Variants in ACOT4 observed in about 807,000 individuals in gnomAD.
ACOT4 encodes the protein peroxisomal succinyl-coenzyme A thioesterase.
In ACOT4, 18 loss-of-function variants were observed where a neutral mutation model predicts 17.1. The observed-to-expected ratio is 1.05, with a 90% CI of 0.73 to 1.56. The LOEUF is 1.56. Among genes scored for constraint, ACOT4 ranks in the 40% most tolerant of loss-of-function variants. The pLI, the probability that ACOT4 is intolerant of heterozygous loss-of-function variation, is 0.00. For synonymous variants in ACOT4, 234 were observed against 236.6 expected, an observed-to-expected ratio of 0.99 and a Z score of 0.10; for missense variants, 574 against 557.2, an observed-to-expected ratio of 1.03 and a Z score of -0.30.
Position 73,595,277 on chromosome 14 carries a change from A to T in ACOT4, c.889A>T (p.Asn297Tyr), listed in dbSNP as rs1270933636. 2 of 1,614,078 alleles carry T rather than the reference A, an allele frequency of 1.2e-6. No individual in the cohort carries two copies. The highest frequency in any genetic ancestry group is 1.7e-6 in the Non-Finnish European group (2 of 1,180,050). The change falls in exon 3 of 3, where the codon AAT becomes TAT. Residue 297 changes from asparagine (N) to tyrosine (Y), a missense_variant. Coordinates refer to ENST00000326303, the MANE Select transcript of ACOT4 (RefSeq NM_152331.4). The stretch of plus-strand genomic sequence containing the variant: ...CCTCGTGGACATTGTGGATATAAGG[A>T]ATGCTCTCGTAGGAGGGTACAAGAA... ...SGLVDIVDIR[N>Y]ALVGGYKNPS... is the part of the protein sequence containing the mutation.
At chr14:73,592,840 G>C (rs1450586381) in intron 1 of ACOT4, among the ~76,000 whole-genome samples, 1 of 152,124 alleles carries the variant, frequency 6.6e-6, no homozygotes. Context: ...GTGACAGAGC[G>C]AGACTCCGTC....
Position 73,594,442 on chromosome 14 carries a change from GCGGC to G in ACOT4, c.660+539_660+542del, listed in dbSNP as rs1890212283. ...TGAACTTGATGGGATCTGTGGCTCA[GCGGC>G]TCAGCGGCTCAGCATTCTCTAGTGG... is the stretch of plus-strand genomic sequence containing the variant. On this transcript the variant is annotated intron_variant, in intron 2 of 2. Transcript: ENST00000326303. 2.7e-4 allele frequency among the ~76,000 whole-genome samples: 3 copies of G among 11,010 alleles called. No homozygotes were observed. In the South Asian group the frequency reaches 5.9e-3, roughly 22 times the overall value. The allele number at this position is 11,010 out of a possible 152,430, so 7.2% of individuals were successfully genotyped here. A position where few individuals can be genotyped will look rare whatever the true frequency, so the allele number is the denominator to read the frequency against.
Position 73,594,582 on chromosome 14 carries a change from A to T in ACOT4, c.661-467A>T, listed in dbSNP as rs150941720. On this transcript the variant is annotated intron_variant, in intron 2 of 2. Coordinates refer to ENST00000326303, the MANE Select transcript of ACOT4 (RefSeq NM_152331.4). ...GCACATGGGAAGAAACTCCCCTGTC[A>T]GCTGAGGTTGATTTTCTTGTGGATG... Among the ~76,000 whole-genome samples the T allele has an allele frequency of 4.5e-3, 687 of 152,344 alleles. 5 individuals are homozygous for T. Among genetic ancestry groups the T allele is most frequent in the African/African-American group, 0.015 (622 of 41,576 alleles).
intron 1 of ACOT4, among the ~76,000 whole-genome samples, chr14:73,593,336 C>CTTTTTTTT (rs60704237): frequency 5.2e-4 from 54 of 104,840 alleles, no homozygotes; most frequent in Non-Finnish European, 7.5e-4. Context: ...TTCTTTCTTT[C>CTTTTTTTT]TTTTTTTTTT....
Position 73,592,154 on chromosome 14 carries a change from A to G in ACOT4, c.195A>G (p.Ala65=), listed in dbSNP as rs752412509. The change falls in exon 1 of 3, where the codon GCA becomes GCG. Residue 65 remains alanine, a synonymous_variant. Coordinates refer to ENST00000326303, the MANE Select transcript of ACOT4 (RefSeq NM_152331.4). The part of the protein sequence containing the change: ...DARGELDLER[A]PALGGSFAGL... ...GCGGCGAGCTGGACCTGGAGCGCGC[A>G]CCCGCGCTGGGCGGCAGCTTCGCGG... 67 of 1,596,590 alleles carry G rather than the reference A, an allele frequency of 4.2e-5. No individual in the cohort carries two copies. Among genetic ancestry groups the G allele is most frequent in the Non-Finnish European group, 5.7e-5 (67 of 1,172,830 alleles).
rs1001641069 is a variant in ACOT4, at chr14:73,592,026, G to A, written c.67G>A (p.Val23Met). 3 of 1,444,626 alleles carry A rather than the reference G, an allele frequency of 2.1e-6. No homozygotes were observed. Among genetic ancestry groups the A allele is most frequent in the African/African-American group, 3.0e-5 (2 of 66,380 alleles). The allele number at this position is 1,444,626 out of a possible 1,614,324, so 89.5% of individuals were successfully genotyped here. A position where few individuals can be genotyped will look rare whatever the true frequency, so the allele number is the denominator to read the frequency against. The part of the protein sequence containing the change: ...CCWNEPVRIA[V>M]RGLAPEQRVT... Reference sequence around the variant, plus strand: ...CTGGAACGAGCCGGTGCGCATTGCCGTGCGCGGCCTGGCCCCGGAGCAGCG... The same window carrying A: ...CTGGAACGAGCCGGTGCGCATTGCCATGCGCGGCCTGGCCCCGGAGCAGCG... The change falls in exon 1 of 3, where the codon GTG (valine) becomes ATG (methionine). Residue 23 changes from valine to methionine, a missense_variant. Coordinates refer to ENST00000326303, the MANE Select transcript of ACOT4 (RefSeq NM_152331.4).
intron 2 of ACOT4, among the ~76,000 whole-genome samples, chr14:73,594,668 G>T (rs1454483263): frequency 6.9e-6 from 1 of 143,982 alleles, no homozygotes; most frequent in Non-Finnish European, 1.5e-5. Flanking sequence ...TTTTGCATTG[G>T]ATAAGTTATT....
At chr14:73,593,345 T>C (rs1595178772) in intron 1 of ACOT4, among the ~76,000 whole-genome samples, 1 of 143,374 alleles carries the variant, frequency 7.0e-6, no homozygotes, top group Admixed American at 7.0e-5. Context: ...TCTTTTTTTT[T>C]TTTTTTTTTT....
rs1326674671 is a variant in ACOT4, at chr14:73,593,750, G to A, written c.506G>A (p.Gly169Asp). Residue 169 changes from glycine (G) to aspartate (D), a missense_variant, in exon 2 of 3, where the codon GGC becomes GAC. Coordinates refer to ENST00000326303, the MANE Select transcript of ACOT4 (RefSeq NM_152331.4). ...GIIDIFGIGG[G>D]LLEYRASLLA... ...ATTGACATCTTTGGTATTGGAGGGG[G>A]CCTCTTGGAATATCGAGCCAGCCTC... 3 of 1,613,758 alleles carry A rather than the reference G, an allele frequency of 1.9e-6. No individual in the cohort carries two copies. Among genetic ancestry groups the A allele is most frequent in the Non-Finnish European group, 2.5e-6 (3 of 1,179,774 alleles).
intron 2 of ACOT4, among the ~76,000 whole-genome samples, 186 bp from the exon 3 acceptor site, chr14:73,594,863 G>T (rs1384069652): frequency 6.6e-6 from 1 of 152,088 alleles, no homozygotes; most frequent in East Asian, 1.9e-4. Context: ...ACCACACTCG[G>T]CTAATTTTTT....
rs1362788290 is a variant in ACOT4 at position 73,592,219 on chromosome 14, A to G, written c.260A>G (p.Glu87Gly). 1 of 1,612,982 alleles carries G rather than the reference A, an allele frequency of 6.2e-7. No individual in the cohort carries two copies. Among genetic ancestry groups the G allele is most frequent in the South Asian group, 1.1e-5 (1 of 90,964 alleles). ...PMGLLWALEP[E>G]KPFWRFLKRD... The stretch of plus-strand genomic sequence containing the variant: ...GGGCTGCTCTGGGCCCTGGAACCCG[A>G]GAAGCCTTTTTGGCGCTTCCTGAAG... Residue 87 changes from glutamate (E) to glycine (G), a missense_variant, in exon 1 of 3, where the codon GAG becomes GGG. Glu to Gly is a moderately conservative substitution (Grantham distance 98). Coordinates refer to ENST00000326303, the MANE Select transcript of ACOT4 (RefSeq NM_152331.4).
rs567529765 is a variant in ACOT4 at position 73,592,373 on chromosome 14, G to C, written c.414G>C (p.Ser138=). The C allele has an allele frequency of 1.9e-6, 3 of 1,569,194 alleles. No individual in the cohort carries two copies. The highest frequency in any genetic ancestry group is 4.7e-5 in the East Asian group (2 of 42,332). The change falls in exon 1 of 3, where the codon TCG becomes TCC. Residue 138 remains serine, a synonymous_variant. Coordinates refer to ENST00000326303, the MANE Select transcript of ACOT4 (RefSeq NM_152331.4). ...HFLPPGVRRQ[S]VRAGRVRATL... is the part of the protein sequence containing the mutation. ...TCCCGCCAGGGGTGCGGCGCCAGTC[G>C]GTGCGAGCGGGCCGGGTGCGCGCCA...
chr14:73,592,010 G>A lies in ACOT4; in HGVS notation c.51G>A (p.Glu17=). ...CCCCAGGCCGCTGCTGCTGGAACGA[G>A]CCGGTGCGCATTGCCGTGCGCGGCC... ...LEPPGRCCWN[E]PVRIAVRGLA... is the part of the protein sequence containing the mutation. The change falls in exon 1 of 3, where the codon GAG becomes GAA. Residue 17 remains glutamate (E), a synonymous_variant. Coordinates refer to ENST00000326303, the MANE Select transcript of ACOT4 (RefSeq NM_152331.4). 1.4e-6 allele frequency: 2 copies of A among 1,433,216 alleles called. No homozygotes were observed. Among genetic ancestry groups the A allele is most frequent in the Non-Finnish European group, 1.8e-6 (2 of 1,095,912 alleles). The allele number at this position is 1,433,216 out of a possible 1,614,324, so 88.8% of individuals were successfully genotyped here. A position where few individuals can be genotyped will look rare whatever the true frequency, so the allele number is the denominator to read the frequency against.
At position 73,595,189 on chromosome 14, in the gene ACOT4, T is replaced by C; in HGVS notation, c.801T>C (p.Tyr267=). The C allele has an allele frequency of 6.2e-7, 1 of 1,614,202 alleles. No individual in the cohort carries two copies. Among genetic ancestry groups the C allele is most frequent in the Non-Finnish European group, 8.5e-7 (1 of 1,180,042 alleles). The change falls in exon 3 of 3, where the codon TAT becomes TAC. Residue 267 remains tyrosine (Y), a synonymous_variant. Transcript: ENST00000326303. The stretch of plus-strand genomic sequence containing the variant: ...TCAGTGGGAACACAGCCATCAACTA[T>C]AAGCACAGTAGCATTCCACCATTGG... ...SGISGNTAIN[Y]KHSSIPPLGY...
At chr14:73,594,575 CCCT>C (rs1890214172) in intron 2 of ACOT4, among the ~76,000 whole-genome samples, 1 of 152,160 alleles carries the variant, frequency 6.6e-6, no homozygotes, top group Admixed American at 6.5e-5. Flanking sequence ...GAAGAAACTC[CCCT>C]GTCAGCTGAG....
At chr14:73,592,485 T>C in intron 1 of ACOT4, 69 bp downstream of exon 1, 1 of 1,413,634 alleles carries the variant, frequency 7.1e-7, no homozygotes. Flanking sequence ...CCAGTGCTGA[T>C]TTAGCACTGG....
chr14:73,592,655 C>G (rs1890175242), intron 1 of ACOT4, among the ~76,000 whole-genome samples: 1 of 152,142 alleles, frequency 6.6e-6, no homozygotes, highest in Non-Finnish European at 1.5e-5. Context: ...GAGTTTGAGA[C>G]CAGACTGGCC....
rs754243204 is a variant in ACOT4, at chr14:73,595,126, G to A, written c.738G>A (p.Lys246=). Residue 246 remains lysine, a synonymous_variant, in exon 3 of 3, where the codon AAG becomes AAA. Transcript: ENST00000326303. ...GTCTCTCAATGGCCTCATTCTTGAA[G>A]AATGTCTCAGCCACAGTTTCCATCA... ...DICLSMASFL[K]NVSATVSING... The A allele has an allele frequency of 6.2e-7, 1 of 1,614,210 alleles. No homozygotes were observed. The highest frequency in any genetic ancestry group is 1.1e-5 in the South Asian group (1 of 91,080).
intron 1 of ACOT4, 112 bp downstream of exon 1, chr14:73,592,528 A>G (rs1890172240): frequency 7.8e-7 from 1 of 1,280,924 alleles, no homozygotes; most frequent in African/African-American, 1.5e-5. Flanking sequence ...AGAAGCTAAC[A>G]TTGACTATGT....
Sources: allele counts gnomAD v4.1 joint callset (sites outside exome capture counted in the v4.1 genomes callset), GRCh38; gene constraint gnomAD v4.1.1; transcripts MANE v1.5; gene names NCBI Gene and HGNC (gene_info 2026-07-23, HGNC 2026-07-21).